The following MFSD8 variants were observed in gnomAD, a reference collection of about 807,000 sequenced individuals.
The protein encoded by MFSD8 is major facilitator superfamily domain-containing protein 8.
A neutral mutation model predicts 66.4 loss-of-function variants in MFSD8; 55 were observed. The observed-to-expected ratio is 0.83, with a 90% CI of 0.67 to 1.04. The LOEUF (loss-of-function observed/expected upper bound fraction) is 1.04, where lower values mean the gene tolerates loss of function less well. Ranked by LOEUF, MFSD8 falls within the 50% of genes least tolerant of loss-of-function variation. The pLI is 0.00. For missense variants in MFSD8, 550 were observed against 627.6 expected (o/e 0.88, Z 1.32); for synonymous variants, 202 against 212.8 (o/e 0.95, Z 0.44).
At chr4:127,938,892 G>C in intron 6 of MFSD8, 54 bp from the exon 7 acceptor site, 2 of 1,367,852 alleles carry the variant, frequency 1.5e-6, no homozygotes, top group Non-Finnish European at 2.1e-6. Flanking sequence ...TAGAGAAGTT[G>C]TTTAAATTTA....
chr4:127,926,095 G>A (rs1470515845), intron 9 of MFSD8, among the ~76,000 whole-genome samples: 1 of 151,672 alleles, frequency 6.6e-6, no homozygotes, highest in Non-Finnish European at 1.5e-5. Context: ...CGGGGTGGGG[G>A]GCTAGAGGAG....
At chr4:127,946,625 T>C (rs1438109629) in intron 3 of MFSD8, among the ~76,000 whole-genome samples, 1 of 152,138 alleles carries the variant, frequency 6.6e-6, no homozygotes, top group Non-Finnish European at 1.5e-5. Context: ...TAGAAATTCG[T>C]AAAAACTGGG....
chr4:127,961,716 G>A (rs953556851), intron 1 of MFSD8, among the ~76,000 whole-genome samples: 8 of 151,312 alleles, frequency 5.3e-5, no homozygotes, highest in African/African-American at 1.9e-4. Context: ...CTCTACTCGG[G>A]AGGCTGAGGC....
At chr4:127,946,794 A>C (rs1367800485) in intron 3 of MFSD8, among the ~76,000 whole-genome samples, 1 of 152,098 alleles carries the variant, frequency 6.6e-6, no homozygotes, top group Non-Finnish European at 1.5e-5. Context: ...GCACGACTGT[A>C]ATCCCAGCTA....
chr4:127,965,928 T>A (rs1171430229), upstream of MFSD8: 1 of 152,394 alleles, frequency 6.6e-6, no homozygotes, highest in Non-Finnish European at 1.5e-5. Context: ...GGACTGAAGG[T>A]GGGATCTGCT....
chr4:127,930,894 T>TGATACTGCTACC, intron 8 of MFSD8, 77 bp from the exon 9 acceptor site: 1 of 1,304,672 alleles, frequency 7.7e-7, no homozygotes, highest in South Asian at 1.5e-5. Context: ...TAAGTTTTAA[T>TGATACTGCTACC]AACGACATCT....
rs998520740 is a variant in MFSD8, at chr4:127,940,153, G to A, written c.554-156C>T. Among the ~76,000 whole-genome samples, 9 of 151,976 alleles carry A rather than the reference G, an allele frequency of 5.9e-5. No individual in the cohort carries two copies. The South Asian group carries it at 6.2e-4, about 10-fold the overall frequency. On this transcript the variant is annotated intron_variant, in intron 5 of 11. Coordinates refer to ENST00000641686, the MANE Select transcript of MFSD8 (RefSeq NM_001371596.2). Reference sequence around the variant, plus strand: ...AGATGGAATTGGTTCTTGATGGGGGGTCAAAAAATTTCCTCTTTTTATGTA... The same window carrying A: ...AGATGGAATTGGTTCTTGATGGGGGATCAAAAAATTTCCTCTTTTTATGTA...
intron 5 of MFSD8, 32 bp from the exon 6 acceptor site, chr4:127,940,029 A>G (rs1309556967): frequency 1.3e-6 from 2 of 1,571,646 alleles, no homozygotes; most frequent in East Asian, 4.5e-5. Flanking sequence ...CAGATGAATT[A>G]TTATATGAGA....
intron 2 of MFSD8, among the ~76,000 whole-genome samples, chr4:127,954,948 G>T (rs1742605661): frequency 6.6e-6 from 1 of 152,228 alleles, no homozygotes; most frequent in Non-Finnish European, 1.5e-5. Context: ...TCATCCACTA[G>T]GATGACTACT....
intron 7 of MFSD8, among the ~76,000 whole-genome samples, chr4:127,937,993 T>C (rs1237807062): frequency 6.6e-6 from 1 of 152,156 alleles, no homozygotes; most frequent in East Asian, 1.9e-4. Context: ...TGGTAAAATA[T>C]AGCTACTTAC....
intron 9 of MFSD8, among the ~76,000 whole-genome samples, chr4:127,925,381 T>G (rs1355496044): frequency 6.6e-6 from 1 of 152,034 alleles, no homozygotes; most frequent in Non-Finnish European, 1.5e-5. Context: ...ACAAGGAACT[T>G]AAACAAATTT....
intron 9 of MFSD8, among the ~76,000 whole-genome samples, chr4:127,928,442 T>G (rs1421787536): frequency 2.0e-5 from 3 of 152,064 alleles, no homozygotes; most frequent in African/African-American, 7.2e-5. Context: ...TTTTAAACAG[T>G]GAATAGACAT....
Position 127,933,087 on chromosome 4 carries a change from G to A in MFSD8, c.761C>T (p.Thr254Ile), listed in dbSNP as rs2148882488. ...CKSINFEEASTDEAQVPQGNI... is the reference protein window; with the variant it reads ...CKSINFEEASIDEAQVPQGNI... Reference sequence around the variant, plus strand: ...TCCTTGGGGAACCTGAGCTTCATCTGTACTTGCTATAGGGAAATAGGAGAA... The same window carrying A: ...TCCTTGGGGAACCTGAGCTTCATCTATACTTGCTATAGGGAAATAGGAGAA... The change falls in exon 8 of 12, where the codon ACA becomes ATA. Residue 254 changes from threonine (T) to isoleucine (I), a missense_variant. By Grantham distance (89) the Thr-to-Ile change is moderately conservative. Transcript: ENST00000641686. 6.2e-7 allele frequency: 1 copy of A among 1,613,038 alleles called. No individual in the cohort carries two copies. Among genetic ancestry groups the A allele is most frequent in the Non-Finnish European group, 8.5e-7 (1 of 1,179,252 alleles).
intron 8 of MFSD8, among the ~76,000 whole-genome samples, chr4:127,932,117 A>C (rs1738242806): frequency 1.3e-5 from 2 of 152,182 alleles, no homozygotes; most frequent in Non-Finnish European, 2.9e-5. Context: ...TCTCAAAACA[A>C]AACAAAAAAA....
chr4:127,949,728 CTT>C, intron 3 of MFSD8, 74 bp downstream of exon 3: 1 of 1,239,418 alleles, frequency 8.1e-7, no homozygotes, highest in East Asian at 2.3e-5. Flanking sequence ...CAAAGAGACT[CTT>C]TAGAAAATGC....
chr4:127,964,562 G>T (rs1007024531), intron 1 of MFSD8: 10 of 181,788 alleles, frequency 5.5e-5, no homozygotes, highest in Non-Finnish European at 1.2e-4. Context: ...CGCCCACTCG[G>T]AACTCCAGCT....
chr4:127,917,881 C>T lies in MFSD8; in HGVS notation c.*2749G>A, dbSNP rs530866812. The stretch of plus-strand genomic sequence containing the variant: ...AGTAGAAATTAAATTACAAATAAGT[C>T]TTCAATGGTCAAAAATGGTGCCCAG... On this transcript the variant is annotated 3_prime_UTR_variant, in exon 12 of 12. Transcript: ENST00000641686. 1 of 152,266 alleles carries T rather than the reference C, an allele frequency of 6.6e-6. No homozygotes were observed. Among genetic ancestry groups the T allele is most frequent in the South Asian group, 2.1e-4 (1 of 4,828 alleles). The allele number at this position is 152,266 out of a possible 1,614,324, so 9.4% of individuals were successfully genotyped here. A position where few individuals can be genotyped will look rare whatever the true frequency, so the allele number is the denominator to read the frequency against.
chr4:127,955,405 G>T (rs1742676572), intron 2 of MFSD8, among the ~76,000 whole-genome samples: 2 of 152,016 alleles, frequency 1.3e-5, no homozygotes, highest in African/African-American at 4.8e-5. Flanking sequence ...GCCGGGCATG[G>T]TGGTGGGTGA....
chr4:127,954,152 A>G lies in MFSD8; in HGVS notation c.154+3349T>C, dbSNP rs80302003. Among the ~76,000 whole-genome samples the G allele has an allele frequency of 3.0e-3, 455 of 152,322 alleles. 4 individuals are homozygous for G. The highest frequency in any genetic ancestry group is 0.011 in the African/African-American group (438 of 41,576). ...TCCCATCCTTTTAACATGGTTATAG[A>G]TGTTTAATATTTTGAAAAGTTTTCC... is the stretch of plus-strand genomic sequence containing the variant. On this transcript the variant is annotated intron_variant, in intron 2 of 11. Transcript: ENST00000641686.
Sources: gnomAD v4.1 joint callset for allele counts (sites outside exome capture counted in the v4.1 genomes callset) on GRCh38, gnomAD v4.1.1 for gene constraint, MANE v1.5 for transcripts, NCBI Gene and HGNC (gene_info 2026-07-23, HGNC 2026-07-21) for gene names.